SLC24A4: variants seen among roughly 807,000 people sequenced by gnomAD.
SLC24A4 encodes the protein solute carrier family 24 member 4.
A neutral mutation model predicts 79.0 loss-of-function variants in SLC24A4; 53 were observed. That is an observed-to-expected ratio of 0.67 (90% CI 0.54 to 0.84). SLC24A4 has a LOEUF of 0.84. SLC24A4 is among the 40% of genes least tolerant of loss of function. The pLI is 0.00. For synonymous variants in SLC24A4, 323 were observed against 323.8 expected, an observed-to-expected ratio of 1.00 and a Z score of 0.03; for missense variants, 731 against 822.0, an observed-to-expected ratio of 0.89 and a Z score of 1.35.
chr14:92,353,391 A>C lies in SLC24A4; in HGVS notation c.241+27413A>C, dbSNP rs1886996002. Among the ~76,000 whole-genome samples the C allele has an allele frequency of 6.6e-6, 1 of 152,264 alleles. No individual in the cohort carries two copies. On this transcript the variant is annotated intron_variant, in intron 2 of 16. Transcript: ENST00000532405. This position sits in a 1 kb window ranked among gnomAD's most constrained non-coding sequence, Gnocchi z 4.1. ...GTTTATTGTTGTAGCGCAAGAGGGC[A>C]AAAAGCATTGTTGCCATGAGTGGCT...
chr14:92,329,434 G>C (rs183444913), intron 2 of SLC24A4, among the ~76,000 whole-genome samples: 59 of 152,310 alleles, frequency 3.9e-4, no homozygotes, highest in African/African-American at 1.4e-3. Flanking sequence ...CCAGATCTTG[G>C]TGTTAGCGTT....
At chr14:92,380,674 C>T (rs544532061) in intron 2 of SLC24A4, among the ~76,000 whole-genome samples, 1 of 152,348 alleles carries the variant, frequency 6.6e-6, no homozygotes, top group East Asian at 1.9e-4. Flanking sequence ...CTTGCGGCTC[C>T]CGCCCAGGGT....
At position 92,441,232 on chromosome 14, in the gene SLC24A4, C is replaced by T. The variant is rs1173483490; in HGVS notation, c.394-857C>T. Reference sequence around the variant, plus strand: ...CTGTCCTGAGAGGCCTTCTGAGAACCGCAGAGTGGGCGCCTCCAGATTGGT... The same window carrying T: ...CTGTCCTGAGAGGCCTTCTGAGAACTGCAGAGTGGGCGCCTCCAGATTGGT... On this transcript the variant is annotated intron_variant, in intron 4 of 16. Transcript: ENST00000532405. This position sits in a 1 kb window ranked among gnomAD's most constrained non-coding sequence, Gnocchi z 4.6. Among the ~76,000 whole-genome samples, 5 of 152,144 alleles carry T rather than the reference C, an allele frequency of 3.3e-5. No individual in the cohort carries two copies. The highest frequency in any genetic ancestry group is 1.2e-4 in the African/African-American group (5 of 41,424).
At chr14:92,327,221 C>T (rs1045450162) in intron 2 of SLC24A4, among the ~76,000 whole-genome samples, 1 of 152,194 alleles carries the variant, frequency 6.6e-6, no homozygotes, top group African/African-American at 2.4e-5. Context: ...CTTCCCTGCC[C>T]TCAGATGCCT....
rs563305814 is a variant in SLC24A4 at position 92,477,448 on chromosome 14, T to TTTTTTGTTGTTG, written c.1256-5217_1256-5206dup. On this transcript the variant is annotated intron_variant, in intron 12 of 16. Coordinates refer to ENST00000532405, the MANE Select transcript of SLC24A4 (RefSeq NM_153646.4). ...GTATTTTCATGGTCTATCTTTTCCT[T>TTTTTTGTTGTTG]TTTTTGTTGTTGTTTTTGTTGTTGT... Among the ~76,000 whole-genome samples the TTTTTTGTTGTTG allele has an allele frequency of 2.0e-5, 3 of 152,278 alleles. No individual in the cohort carries two copies. The East Asian group carries it at 5.8e-4, about 29-fold the overall frequency.
intron 13 of SLC24A4, chr14:92,484,870 G>C (rs1447163128): frequency 3.0e-6 from 3 of 985,298 alleles, no homozygotes; most frequent in Non-Finnish European, 3.6e-6. Context: ...AGATGATCAT[G>C]AGCGTTGCTG....
At chr14:92,426,817 AAC>A (rs1891590672) in intron 2 of SLC24A4, among the ~76,000 whole-genome samples, 1 of 152,184 alleles carries the variant, frequency 6.6e-6, no homozygotes, top group South Asian at 2.1e-4. Context: ...TGGTTTCTAA[AAC>A]ATATACCTTA....
chr14:92,443,494 C>G lies in SLC24A4; in HGVS notation c.657+20C>G, dbSNP rs775809669. The G allele has an allele frequency of 1.1e-5, 18 of 1,613,736 alleles. No individual in the cohort carries two copies. The Admixed American group carries it at 2.7e-4, about 24-fold the overall frequency. On this transcript the variant is annotated intron_variant, in intron 7 of 16. Transcript: ENST00000532405. ...ATCGTGGTGAGTTGCCCCTCTGCCC[C>G]CAAGGTCAGGTTGGCTGGGACCCTG...
At position 92,447,447 on chromosome 14, in the gene SLC24A4, G is replaced by A. The variant is rs199848879; in HGVS notation, c.737+23G>A. 134 of 1,611,970 alleles carry A rather than the reference G, an allele frequency of 8.3e-5. No individual in the cohort carries two copies. In the African/African-American group the frequency reaches 1.2e-3, roughly 15 times the overall value. ...GAAGTAAGTGCCCTTTCTCCTCCCC[G>A]GGGCTGCCGACGCCTTGCCCCACTG... On this transcript the variant is annotated intron_variant, in intron 9 of 16. Coordinates refer to ENST00000532405, the MANE Select transcript of SLC24A4 (RefSeq NM_153646.4).
intron 2 of SLC24A4, among the ~76,000 whole-genome samples, chr14:92,411,815 G>A (rs954714423): frequency 6.6e-6 from 1 of 152,196 alleles, no homozygotes; most frequent in African/African-American, 2.4e-5. Flanking sequence ...GGACAAGACT[G>A]TCAAATAATC....
intron 2 of SLC24A4, among the ~76,000 whole-genome samples, chr14:92,422,041 T>C (rs546031894): frequency 2.0e-5 from 3 of 152,336 alleles, no homozygotes; most frequent in Non-Finnish European, 4.4e-5. Flanking sequence ...GTGTTGCTTT[T>C]TTCATTTATG....
At chr14:92,354,577 A>G (rs1272872034) in intron 2 of SLC24A4, among the ~76,000 whole-genome samples, 1 of 152,240 alleles carries the variant, frequency 6.6e-6, no homozygotes, top group African/African-American at 2.4e-5. Context: ...ATGTGCTAGA[A>G]TAGAATTTCT....
chr14:92,339,874 A>G (rs1886026129), intron 2 of SLC24A4, among the ~76,000 whole-genome samples: 1 of 152,216 alleles, frequency 6.6e-6, no homozygotes, highest in African/African-American at 2.4e-5. Flanking sequence ...GAGAATGAAG[A>G]TAGGGAGAAT....
At chr14:92,427,914 C>T (rs1459947720) in intron 2 of SLC24A4, among the ~76,000 whole-genome samples, 3 of 152,092 alleles carry the variant, frequency 2.0e-5, no homozygotes, top group Non-Finnish European at 4.4e-5. Flanking sequence ...TAAAAGAGAC[C>T]CCAGAGAGCT....
At chr14:92,416,566 A>G (rs1890995035) in intron 2 of SLC24A4, among the ~76,000 whole-genome samples, 1 of 152,172 alleles carries the variant, frequency 6.6e-6, no homozygotes, top group African/African-American at 2.4e-5. Flanking sequence ...GATGGGTCCA[A>G]AGAGATGCCT....
At chr14:92,378,787 C>T (rs1021630557) in intron 2 of SLC24A4, among the ~76,000 whole-genome samples, 2 of 152,210 alleles carry the variant, frequency 1.3e-5, no homozygotes, top group African/African-American at 2.4e-5. Context: ...CGGTGGCACG[C>T]ACCTGTAGTC....
At position 92,492,190 on chromosome 14, in the gene SLC24A4, C is replaced by T. The variant is rs764732866; in HGVS notation, c.1666C>T (p.Arg556Trp). 4.0e-5 allele frequency: 64 copies of T among 1,613,876 alleles called. No individual in the cohort carries two copies. In the Admixed American group the frequency reaches 7.5e-4, roughly 19 times the overall value. The change falls in exon 16 of 17, where the codon CGG (arginine) becomes TGG (tryptophan). Residue 556 changes from arginine to tryptophan, a missense_variant. Arg to Trp is a moderately radical substitution (Grantham distance 101). Coordinates refer to ENST00000532405, the MANE Select transcript of SLC24A4 (RefSeq NM_153646.4). ...GATTTTCCAGGTGAAGATCAACAGC[C>T]GGGGGCTGGTCTATTCCGTGGTCCT... Reference protein sequence around the residue: ...NYGSTVKINSRGLVYSVVLLL... With the variant: ...NYGSTVKINSWGLVYSVVLLL...
At chr14:92,395,432 A>AACACAC (rs60360408) in intron 2 of SLC24A4, among the ~76,000 whole-genome samples, 5,797 of 144,854 alleles carry the variant, frequency 0.04, 121 homozygotes, top group Middle Eastern at 0.097. Context: ...AACAAAACAA[A>AACACAC]ACACACACAC....
intron 2 of SLC24A4, among the ~76,000 whole-genome samples, chr14:92,369,905 G>A (rs1419438799): frequency 2.6e-5 from 4 of 152,238 alleles, no homozygotes; most frequent in Admixed American, 6.5e-5. Context: ...TGGTACAGAG[G>A]AGAATATTCT....
Sources: gnomAD v4.1 joint callset for allele counts (sites outside exome capture counted in the v4.1 genomes callset) on GRCh38, gnomAD v4.1.1 for gene constraint, Gnocchi (gnomAD v3.1) non-coding constraint, MANE v1.5 for transcripts, NCBI Gene and HGNC (gene_info 2026-07-23, HGNC 2026-07-21) for gene names.